Variants in ALMS1 observed in about 807,000 individuals in gnomAD.
ALMS1 encodes centrosome-associated protein ALMS1.
A neutral mutation model predicts 352.2 loss-of-function variants in ALMS1; 271 were observed. The observed-to-expected ratio is 0.77, with a 90% confidence interval of 0.70 to 0.85. ALMS1 has a LOEUF of 0.85. Ranked by LOEUF, ALMS1 falls within the 40% of genes least tolerant of loss-of-function variation. The pLI is 0.00. For synonymous variants in ALMS1, 1,865 were observed against 1,761.2 expected (o/e 1.06, Z -1.48); for missense variants, 5,445 against 4,870.7 (o/e 1.12, Z -3.51).
chr2:73,599,582 A>G, intron 17 of ALMS1, 61 bp downstream of exon 17: 1 of 1,544,642 alleles, frequency 6.5e-7, no homozygotes. Context: ...TAAACATGTA[A>G]GATACTCAAC....
intron 16 of ALMS1, among the ~76,000 whole-genome samples, chr2:73,580,636 C>T (rs1416722976): frequency 6.6e-6 from 1 of 152,176 alleles, no homozygotes; most frequent in Non-Finnish European, 1.5e-5. Context: ...TTTCATGCCT[C>T]ATAATGTTAT....
chr2:73,433,116 G>T (rs762908453), intron 7 of ALMS1, among the ~76,000 whole-genome samples: 14 of 152,208 alleles, frequency 9.2e-5, no homozygotes, highest in Non-Finnish European at 1.6e-4. Context: ...GTGAATTTGA[G>T]ATGGAGCTGA....
At chr2:73,426,341 C>G (rs1671377930) in intron 5 of ALMS1, 112 bp from the exon 6 acceptor site, 3 of 1,033,254 alleles carry the variant, frequency 2.9e-6, no homozygotes. Context: ...TGCAGTCGCC[C>G]AAGAGACATT....
intron 16 of ALMS1, among the ~76,000 whole-genome samples, chr2:73,585,584 T>TG (rs1393100363): frequency 6.6e-6 from 1 of 151,368 alleles, no homozygotes. Flanking sequence ...TTAGTAGAGA[T>TG]GGGGTTTCAC....
intron 16 of ALMS1, among the ~76,000 whole-genome samples, chr2:73,574,170 GTCT>G (rs1299219629): frequency 1.3e-5 from 2 of 152,106 alleles, no homozygotes; most frequent in Non-Finnish European, 2.9e-5. Context: ...TCTCTCATCT[GTCT>G]TCTTAAAGAA....
intron 2 of ALMS1, among the ~76,000 whole-genome samples, chr2:73,417,692 C>G (rs1020939761): frequency 1.3e-5 from 2 of 152,016 alleles, no homozygotes; most frequent in African/African-American, 2.4e-5. Flanking sequence ...TATTGCTATC[C>G]TTTATCAGGT....
chr2:73,600,494 G>T (rs1425259718), intron 17 of ALMS1, among the ~76,000 whole-genome samples, 184 bp from the exon 18 acceptor site: 44 of 151,288 alleles, frequency 2.9e-4, no homozygotes, highest in Admixed American at 1.8e-3. Context: ...TTTTTTCTTT[G>T]CCCTCTTTTT....
chr2:73,599,512 A>G lies in ALMS1; in HGVS notation c.11659A>G (p.Ile3887Val). 6.2e-7 allele frequency: 1 copy of G among 1,613,662 alleles called. No individual in the cohort carries two copies. Among genetic ancestry groups the G allele is most frequent in the South Asian group, 1.1e-5 (1 of 91,072 alleles). The part of the protein sequence containing the change: ...KQNVHMLNKG[I>V]QAGNLEIVNG... ...GAATGTACACATGTTAAACAAGGGC[A>G]TACAAGCAGGTAATTACTTGAATCT... The change falls in exon 17 of 23, where the codon ATA (isoleucine) becomes GTA (valine). Residue 3887 changes from isoleucine (I) to valine (V), a missense_variant. Physicochemically the swap from Ile to Val is conservative, Grantham distance 29. Coordinates refer to ENST00000613296, the MANE Select transcript of ALMS1 (RefSeq NM_001378454.1).
Position 73,452,618 on chromosome 2 carries a change from A to T in ALMS1, c.6091A>T (p.Ile2031Phe), listed in dbSNP as rs762872999. The change falls in exon 8 of 23, where the codon ATT becomes TTT. Residue 2031 changes from isoleucine to phenylalanine, a missense_variant. Transcript: ENST00000613296. Reference sequence around the variant, plus strand: ...AGAGAAGCCCAAGATTTCAACTGTGATTGGACCAAATGACCAGAAGACTCC... The same window carrying T: ...AGAGAAGCCCAAGATTTCAACTGTGTTTGGACCAAATGACCAGAAGACTCC... The part of the protein sequence containing the change: ...QIEKPKISTV[I>F]GPNDQKTPSQ... The T allele has an allele frequency of 4.3e-6, 7 of 1,613,934 alleles. No individual in the cohort carries two copies. The highest frequency in any genetic ancestry group is 2.2e-5 in the South Asian group (2 of 91,090).
At chr2:73,578,652 A>G (rs568007067) in intron 16 of ALMS1, among the ~76,000 whole-genome samples, 1 of 152,106 alleles carries the variant, frequency 6.6e-6, no homozygotes, top group Admixed American at 6.6e-5. Flanking sequence ...ATACATCTCT[A>G]TTCTTCCCCT....
intron 10 of ALMS1, among the ~76,000 whole-genome samples, chr2:73,511,104 C>A (rs1003711890): frequency 1.3e-5 from 2 of 152,178 alleles, no homozygotes; most frequent in Admixed American, 1.3e-4. Flanking sequence ...TCAGGCCAGT[C>A]GATCTTAGCT....
intron 10 of ALMS1, among the ~76,000 whole-genome samples, chr2:73,506,039 T>G (rs1673313379): frequency 6.6e-6 from 1 of 152,238 alleles, no homozygotes; most frequent in Admixed American, 6.5e-5. Flanking sequence ...CACTATTTAT[T>G]AAATAGGGAA....
intron 10 of ALMS1, among the ~76,000 whole-genome samples, chr2:73,510,818 G>A (rs755707436): frequency 4.6e-5 from 7 of 152,184 alleles, no homozygotes; most frequent in Admixed American, 3.3e-4. Flanking sequence ...GCCCACAGCT[G>A]CCCCTTCCCC....
chr2:73,394,447 G>A (rs1670711935), intron 1 of ALMS1, among the ~76,000 whole-genome samples: 1 of 152,146 alleles, frequency 6.6e-6, no homozygotes, highest in Non-Finnish European at 1.5e-5. Context: ...TGCCTCCTGG[G>A]TTCAAGCAGT....
intron 2 of ALMS1, among the ~76,000 whole-genome samples, chr2:73,413,435 T>C (rs1364727599): frequency 6.6e-6 from 1 of 152,228 alleles, no homozygotes. Context: ...GACCAGGGTT[T>C]CTCAGCCTTG....
chr2:73,411,778 C>T (rs1671082871), intron 2 of ALMS1, among the ~76,000 whole-genome samples: 1 of 152,298 alleles, frequency 6.6e-6, no homozygotes, highest in Non-Finnish European at 1.5e-5. Flanking sequence ...CTTCAGCATA[C>T]ATTTCCCATT....
At chr2:73,469,902 G>A (rs1672433900) in intron 9 of ALMS1, 1 of 151,654 alleles carries the variant, frequency 6.6e-6, no homozygotes, top group African/African-American at 2.4e-5. Flanking sequence ...TGTTTATATG[G>A]GTGACTCAAG....
chr2:73,559,004 G>T lies in ALMS1; in HGVS notation c.10246G>T (p.Ala3416Ser). 6.2e-7 allele frequency: 1 copy of T among 1,613,954 alleles called. No individual in the cohort carries two copies. Among genetic ancestry groups the T allele is most frequent in the Non-Finnish European group, 8.5e-7 (1 of 1,179,918 alleles). ...TGCTGCTGCTGCTGCAGAGCACTCA[G>T]CTCAAGTAGGAGACCCAGAAATGAA... ...SSAAAAAEHS[A>S]QVGDPEMKNL... Residue 3416 changes from alanine to serine, a missense_variant, in exon 15 of 23, where the codon GCT becomes TCT. Physicochemically the swap from Ala to Ser is moderately conservative, Grantham distance 99. Transcript: ENST00000613296.
intron 1 of ALMS1, among the ~76,000 whole-genome samples, chr2:73,388,290 A>G (rs1303396548): frequency 6.6e-6 from 1 of 152,202 alleles, no homozygotes; most frequent in Non-Finnish European, 1.5e-5. Context: ...ATTTAATTTT[A>G]GATTTGGGGG....
Sources: gnomAD v4.1 joint callset for allele counts (sites outside exome capture counted in the v4.1 genomes callset) on GRCh38, gnomAD v4.1.1 for gene constraint, MANE v1.5 for transcripts, NCBI Gene and HGNC (gene_info 2026-07-23, HGNC 2026-07-21) for gene names.